Variants in SLIT1 observed in about 807,000 individuals in gnomAD.
SLIT1 encodes the protein slit homolog 1 protein.
SLIT1 carries 66 observed loss-of-function variants against 186.1 expected under a neutral mutation model. The observed-to-expected ratio is 0.35, with a 90% CI of 0.29 to 0.44. The LOEUF (loss-of-function observed/expected upper bound fraction) is 0.44. SLIT1 is among the 20% of genes least tolerant of loss of function. SLIT1 has a pLI of 1.00. For synonymous variants in SLIT1, 761 were observed against 833.8 expected (o/e 0.91, Z 1.50); for missense variants, 1,638 against 2,037.4 (o/e 0.80, Z 3.77).
chr10:97,029,116 A>C (rs559749220), intron 25 of SLIT1, among the ~76,000 whole-genome samples: 3 of 152,308 alleles, frequency 2.0e-5, no homozygotes, highest in Admixed American at 2.0e-4. Context: ...CTTGTAGATG[A>C]GGCACAGAGT....
chr10:97,021,781 T>C lies in SLIT1; in HGVS notation c.2583-368A>G, dbSNP rs1848504348. ...TTTCACCATATTGACCAGGCTGGTC[T>C]TGAACTCCTAAACTCAGGTTATCCA... On this transcript the variant is annotated intron_variant, in intron 25 of 36. Coordinates refer to ENST00000266058, the MANE Select transcript of SLIT1 (RefSeq NM_003061.3). The surrounding 1 kb of genome is among the most constrained non-coding windows in gnomAD (Gnocchi z 4.5). 6.6e-6 allele frequency among the ~76,000 whole-genome samples: 1 copy of C among 152,166 alleles called. No individual in the cohort carries two copies. The highest frequency in any genetic ancestry group is 1.5e-5 in the Non-Finnish European group (1 of 68,032).
At position 97,021,619 on chromosome 10, in the gene SLIT1, G is replaced by A. The variant is rs1169367452; in HGVS notation, c.2583-206C>T. ...GCTCTGTCGCCCAGGCTGGAGTGCA[G>A]TGGCGTAATATCAGCTCACTGCAAC... On this transcript the variant is annotated intron_variant, in intron 25 of 36. Coordinates refer to ENST00000266058, the MANE Select transcript of SLIT1 (RefSeq NM_003061.3). This position sits in a 1 kb window ranked among gnomAD's most constrained non-coding sequence, Gnocchi z 4.5. Among the ~76,000 whole-genome samples, 1 of 151,268 alleles carries A rather than the reference G, an allele frequency of 6.6e-6. No individual in the cohort carries two copies. The highest frequency in any genetic ancestry group is 2.4e-5 in the African/African-American group (1 of 41,012).
chr10:97,134,924 G>A (rs1200325696), intron 4 of SLIT1, among the ~76,000 whole-genome samples: 5 of 152,056 alleles, frequency 3.3e-5, no homozygotes, highest in Non-Finnish European at 7.4e-5. Flanking sequence ...CCAAATGAGG[G>A]GTCTCCTCTC....
At chr10:97,063,686 A>T in intron 7 of SLIT1, 68 bp from the exon 8 acceptor site, 1 of 1,484,924 alleles carries the variant, frequency 6.7e-7, no homozygotes, top group Non-Finnish European at 9.0e-7. Context: ...TGGGAACCCC[A>T]ATCTCAGGCA....
chr10:97,066,340 C>G (rs1338760820), intron 4 of SLIT1, among the ~76,000 whole-genome samples: 1 of 152,240 alleles, frequency 6.6e-6, no homozygotes. Flanking sequence ...CTCCCCTTCT[C>G]TGGGCTCGGG....
chr10:97,029,762 T>C (rs904914696), intron 25 of SLIT1, among the ~76,000 whole-genome samples: 25 of 152,254 alleles, frequency 1.6e-4, no homozygotes, highest in African/African-American at 5.5e-4. Context: ...AAAAGAACTC[T>C]GTGCTCATTA....
rs935076866 is a variant in SLIT1, at chr10:97,043,574, G to A, written c.1854-61C>T. ...GCTGCCCTGCCAGCCATCCACCTGG[G>A]CCACGCAGCTTCCGCCATCGTGGCT... On this transcript the variant is annotated intron_variant, in intron 18 of 36. Transcript: ENST00000266058. The surrounding 1 kb of genome is among the most constrained non-coding windows in gnomAD (Gnocchi z 7.0). 1.3e-5 allele frequency: 20 copies of A among 1,503,608 alleles called. No individual in the cohort carries two copies. Among genetic ancestry groups the A allele is most frequent in the Non-Finnish European group, 1.6e-5 (18 of 1,091,574 alleles). 93.1% of individuals were successfully genotyped at this position (1,503,608 alleles called of 1,614,324 possible).
chr10:97,057,885 C>A, intron 11 of SLIT1: 1 of 676,084 alleles, frequency 1.5e-6, no homozygotes, highest in Non-Finnish European at 2.8e-6. Flanking sequence ...TGAAAACATC[C>A]AGGAGGTTTG....
chr10:97,044,240 T>G (rs4917754), intron 18 of SLIT1, among the ~76,000 whole-genome samples: 19,608 of 152,042 alleles, frequency 0.13, 1,495 homozygotes, highest in African/African-American at 0.19. Flanking sequence ...ACAAAAAAAT[T>G]TAAAACTTAG....
At chr10:97,028,313 C>T (rs1848564227) in intron 25 of SLIT1, among the ~76,000 whole-genome samples, 1 of 151,884 alleles carries the variant, frequency 6.6e-6, no homozygotes, top group Non-Finnish European at 1.5e-5. Context: ...TCACCATGGG[C>T]TTTCCAGGAG....
intron 21 of SLIT1, among the ~76,000 whole-genome samples, chr10:97,038,220 A>G (rs1295335056): frequency 1.3e-5 from 2 of 151,842 alleles, no homozygotes; most frequent in African/African-American, 2.4e-5. Flanking sequence ...GTTCCCCCTC[A>G]TTCCATCAGC....
chr10:97,091,237 C>T (rs891391242), intron 4 of SLIT1, among the ~76,000 whole-genome samples: 5 of 152,180 alleles, frequency 3.3e-5, no homozygotes, highest in Admixed American at 6.5e-5. Flanking sequence ...TGCTCAGACA[C>T]GCTCCATGCA....
intron 3 of SLIT1, among the ~76,000 whole-genome samples, chr10:97,160,875 T>C (rs1158398225): frequency 6.6e-6 from 1 of 152,006 alleles, no homozygotes; most frequent in Non-Finnish European, 1.5e-5. Context: ...CACGTACCAC[T>C]GTGCCTGGCT....
intron 30 of SLIT1, 29 bp downstream of exon 30, chr10:97,013,712 C>T (rs535534349): frequency 9.2e-6 from 14 of 1,516,192 alleles, no homozygotes; most frequent in Middle Eastern, 1.7e-4. Context: ...CTGAGCTCCT[C>T]CCTGGCCCTG....
chr10:97,132,116 C>A (rs912304856), intron 4 of SLIT1, among the ~76,000 whole-genome samples: 1 of 152,216 alleles, frequency 6.6e-6, no homozygotes, highest in East Asian at 1.9e-4. Flanking sequence ...CTGCCCTGGA[C>A]CCCTGGGGTG....
intron 4 of SLIT1, among the ~76,000 whole-genome samples, chr10:97,133,448 C>T (rs1341890074): frequency 2.6e-5 from 4 of 152,230 alleles, no homozygotes; most frequent in East Asian, 1.9e-4. Flanking sequence ...CTATGAGGTA[C>T]CTGGAGCTGT....
intron 25 of SLIT1, among the ~76,000 whole-genome samples, chr10:97,023,056 T>G (rs12572723): frequency 0.06 from 8,806 of 146,970 alleles, 348 homozygotes; most frequent in South Asian, 0.19. Context: ...ACGTGCCTCT[T>G]TTTTTTTTTT....
intron 28 of SLIT1, among the ~76,000 whole-genome samples, chr10:97,018,055 G>A (rs961106370): frequency 6.6e-6 from 1 of 151,978 alleles, no homozygotes; most frequent in Non-Finnish European, 1.5e-5. Context: ...CACTATGTTG[G>A]CCAGGCTGGT....
chr10:97,127,829 G>A (rs773590588), intron 4 of SLIT1, among the ~76,000 whole-genome samples: 6 of 152,094 alleles, frequency 3.9e-5, no homozygotes, highest in South Asian at 2.1e-4. Flanking sequence ...CCACCTCTTC[G>A]GGCCTCACTG....
Sources: allele counts gnomAD v4.1 joint callset (sites outside exome capture counted in the v4.1 genomes callset), GRCh38; gene constraint gnomAD v4.1.1; non-coding constraint Gnocchi (gnomAD v3.1); transcripts MANE v1.5; gene names NCBI Gene and HGNC (gene_info 2026-07-23, HGNC 2026-07-21).